BRIP1: variants seen among roughly 807,000 people sequenced by gnomAD.
BRIP1 encodes Fanconi anemia group J protein.
Under a neutral mutation model 119.7 loss-of-function variants are expected in BRIP1, and 88 were observed. The ratio of observed to expected loss-of-function variants is 0.74; its 90% CI spans 0.62 to 0.88. The LOEUF is 0.88. BRIP1 is among the 40% of genes least tolerant of loss of function. The pLI, the probability that BRIP1 is intolerant of heterozygous loss-of-function variation, is 0.00. For missense variants in BRIP1, 1,259 were observed against 1,455.4 expected, an observed-to-expected ratio of 0.87 and a Z score of 2.20; for synonymous variants, 443 against 496.5, an observed-to-expected ratio of 0.89 and a Z score of 1.43.
In BRIP1 at chr17:61,814,826, A is replaced by G; in HGVS notation, c.628-6069T>C. Among the ~76,000 whole-genome samples the G allele has an allele frequency of 6.6e-6, 1 of 152,048 alleles. No homozygotes were observed. Among genetic ancestry groups the G allele is most frequent in the Non-Finnish European group, 1.5e-5 (1 of 67,932 alleles). ...CAAGCTACATGTATCAACAGAAGGA[A>G]TGGATGAGTAAATTGTGGGCTCTTT... On this transcript the variant is annotated intron_variant, in intron 6 of 19. Coordinates refer to ENST00000259008, the MANE Select transcript of BRIP1 (RefSeq NM_032043.3). The surrounding 1 kb of genome is among the most constrained non-coding windows in gnomAD (Gnocchi z 4.9).
rs779314068 is a variant in BRIP1 at position 61,820,949 on chromosome 17, T to TAAAA, written c.628-12196_628-12193dup. 1.4e-4 allele frequency among the ~76,000 whole-genome samples: 20 copies of TAAAA among 143,948 alleles called. No individual in the cohort carries two copies. The Middle Eastern group carries it at 0.011, about 78-fold the overall frequency. The allele number at this position is 143,948 out of a possible 152,430, so 94.4% of individuals were successfully genotyped here. On this transcript the variant is annotated intron_variant, in intron 6 of 19. Transcript: ENST00000259008. ...TGGGCAACGAAGCGAGACTCTGTCTTAAAAAAAAAAAAAGAAAGAAAGAAA... is the reference window on the plus strand; with the variant it reads ...TGGGCAACGAAGCGAGACTCTGTCTTAAAAAAAAAAAAAAAAAGAAAGAAAGAAA...
chr17:61,698,987 G>A (rs2061570755), intron 17 of BRIP1, among the ~76,000 whole-genome samples: 1 of 152,106 alleles, frequency 6.6e-6, no homozygotes, highest in Non-Finnish European at 1.5e-5. Context: ...AAAGTGCTGG[G>A]ATTGCAGGCA....
Position 61,689,893 on chromosome 17 carries a change from T to C in BRIP1, c.2575+3537A>G, listed in dbSNP as rs896193296. Among the ~76,000 whole-genome samples the C allele has an allele frequency of 1.3e-5, 2 of 152,200 alleles. No individual in the cohort carries two copies. Among genetic ancestry groups the C allele is most frequent in the Non-Finnish European group, 2.9e-5 (2 of 67,992 alleles). ...CAGGTCTGGTGGTGCATGCCTGTAG[T>C]CCCAGCTGAGGCTGAGGTGGGAGGA... On this transcript the variant is annotated intron_variant, in intron 18 of 19. Transcript: ENST00000259008. The surrounding 1 kb of genome is among the most constrained non-coding windows in gnomAD (Gnocchi z 4.5).
rs953902725 is a variant in BRIP1, at chr17:61,778,929, TTG to T, written c.1935+1330_1935+1331del. Among the ~76,000 whole-genome samples the T allele has an allele frequency of 2.6e-5, 4 of 152,340 alleles. No individual in the cohort carries two copies. The highest frequency in any genetic ancestry group is 9.6e-5 in the African/African-American group (4 of 41,582). The stretch of plus-strand genomic sequence containing the variant: ...TATATAGCTTAATAAAGAGCTAGCA[TTG>T]TGTTAGGCACACAGGTGATGTTAAC... On this transcript the variant is annotated intron_variant, in intron 13 of 19. Coordinates refer to ENST00000259008, the MANE Select transcript of BRIP1 (RefSeq NM_032043.3). This position sits in a 1 kb window ranked among gnomAD's most constrained non-coding sequence, Gnocchi z 4.4.
At chr17:61,772,820 GAA>G (rs71355193) in intron 14 of BRIP1, among the ~76,000 whole-genome samples, 1 of 53,538 alleles carries the variant, frequency 1.9e-5, no homozygotes. Flanking sequence ...TTCCATCTCA[GAA>G]AAAAAAAAAA....
At chr17:61,747,760 C>T (rs565116008) in intron 14 of BRIP1, among the ~76,000 whole-genome samples, 3 of 151,680 alleles carry the variant, frequency 2.0e-5, no homozygotes, top group Non-Finnish European at 4.4e-5. Flanking sequence ...TTTTGAGATA[C>T]ACTCTTGCTC....
At position 61,691,206 on chromosome 17, in the gene BRIP1, G is replaced by A. The variant is rs964814969; in HGVS notation, c.2575+2224C>T. Among the ~76,000 whole-genome samples, 7 of 151,704 alleles carry A rather than the reference G, an allele frequency of 4.6e-5. No homozygotes were observed. Among genetic ancestry groups the A allele is most frequent in the Non-Finnish European group, 1.0e-4 (7 of 67,944 alleles). Reference sequence around the variant, plus strand: ...CATATGTAACAAACCTGCACGTTGTGCACATGTACCCTAGAACTTAAAGTA... The same window carrying A: ...CATATGTAACAAACCTGCACGTTGTACACATGTACCCTAGAACTTAAAGTA... On this transcript the variant is annotated intron_variant, in intron 18 of 19. Transcript: ENST00000259008. The surrounding 1 kb of genome is among the most constrained non-coding windows in gnomAD (Gnocchi z 5.0).
Position 61,793,082 on chromosome 17 carries a change from G to A in BRIP1, c.1473+515C>T, listed in dbSNP as rs957423743. On this transcript the variant is annotated intron_variant, in intron 10 of 19. Transcript: ENST00000259008. This position sits in a 1 kb window ranked among gnomAD's most constrained non-coding sequence, Gnocchi z 5.2. ...CAAAAAAAGAAAATATATTCTTATC[G>A]GCAAAAAACATTAGAAAATATAATG... 2.0e-5 allele frequency among the ~76,000 whole-genome samples: 3 copies of A among 151,716 alleles called. No homozygotes were observed. Among genetic ancestry groups the A allele is most frequent in the Non-Finnish European group, 4.4e-5 (3 of 67,928 alleles).
At position 61,701,200 on chromosome 17, in the gene BRIP1, T is replaced by C. The variant is rs1192490139; in HGVS notation, c.2493-7688A>G. Among the ~76,000 whole-genome samples, 1 of 152,236 alleles carries C rather than the reference T, an allele frequency of 6.6e-6. No individual in the cohort carries two copies. The highest frequency in any genetic ancestry group is 1.5e-5 in the Non-Finnish European group (1 of 68,038). The stretch of plus-strand genomic sequence containing the variant: ...TTATTTTTTTCTCTTAGTTATACTT[T>C]CTTTGTTATGTGTCATGATTTTTGT... On this transcript the variant is annotated intron_variant, in intron 17 of 19. Coordinates refer to ENST00000259008, the MANE Select transcript of BRIP1 (RefSeq NM_032043.3). The surrounding 1 kb of genome is among the most constrained non-coding windows in gnomAD (Gnocchi z 5.1).
rs28997569 is a variant in BRIP1 at position 61,808,595 on chromosome 17, G to A, written c.790C>T (p.Arg264Trp). The A allele has an allele frequency of 1.2e-3, 1,871 of 1,613,856 alleles. 3 individuals are homozygous for A. The highest frequency in any genetic ancestry group is 1.3e-3 in the Non-Finnish European group (1,587 of 1,179,870). Residue 264 changes from arginine to tryptophan, a missense_variant, in exon 7 of 20, where the codon CGG (arginine) becomes TGG (tryptophan). Physicochemically the swap from Arg to Trp is moderately radical, Grantham distance 101 (BLOSUM62 -3). This residue lies in a region of BRIP1 where 501 missense variants were observed against 544.0 expected (regional missense o/e 0.92). Coordinates refer to ENST00000259008, the MANE Select transcript of BRIP1 (RefSeq NM_032043.3). This position sits in a 1 kb window ranked among gnomAD's most constrained non-coding sequence, Gnocchi z 4.1. ...GGAACCCCTGAATATGCCGTCCTCC[G>A]GAGCTCTCTAGTAATCTGAGCAATC... ...KQIAQITREL[R>W]RTAYSGVPMT... is the part of the protein sequence containing the mutation.
chr17:61,687,432 A>T lies in BRIP1; in HGVS notation c.2576-1267T>A, dbSNP rs2144128460. Among the ~76,000 whole-genome samples the T allele has an allele frequency of 1.3e-5, 2 of 152,092 alleles. No homozygotes were observed. The highest frequency in any genetic ancestry group is 1.3e-4 in the Admixed American group (2 of 15,288). Reference sequence around the variant, plus strand: ...CATTTTTGCCTTTAGTTACTGTTTGACCTATGCTACTGCACACTTTACGTG... The same window carrying T: ...CATTTTTGCCTTTAGTTACTGTTTGTCCTATGCTACTGCACACTTTACGTG... On this transcript the variant is annotated intron_variant, in intron 18 of 19. Transcript: ENST00000259008. This position sits in a 1 kb window ranked among gnomAD's most constrained non-coding sequence, Gnocchi z 5.1.
rs587780830 is a variant in BRIP1, at chr17:61,683,771, G to A, written c.3275C>T (p.Pro1092Leu). 1.7e-5 allele frequency: 27 copies of A among 1,614,010 alleles called. No individual in the cohort carries two copies. Among genetic ancestry groups the A allele is most frequent in the Non-Finnish European group, 2.1e-5 (25 of 1,180,036 alleles). Residue 1092 changes from proline (P) to leucine (L), a missense_variant, in exon 20 of 20, where the codon CCG becomes CTG. This residue lies in a region of BRIP1 where 753 missense variants were observed against 891.8 expected (regional missense o/e 0.84). Coordinates refer to ENST00000259008, the MANE Select transcript of BRIP1 (RefSeq NM_032043.3). The surrounding 1 kb of genome is among the most constrained non-coding windows in gnomAD (Gnocchi z 4.7). ...TLTRKNHSEH[P>L]LCSEEALDPD... Reference sequence around the variant, plus strand: ...ATCCAGGGCTTCTTCAGAACAGAGCGGATGTTCAGAATGATTTTTTCTAGT... The same window carrying A: ...ATCCAGGGCTTCTTCAGAACAGAGCAGATGTTCAGAATGATTTTTTCTAGT...
intron 18 of BRIP1, among the ~76,000 whole-genome samples, chr17:61,688,484 CA>C (rs201219714): frequency 3.3e-5 from 5 of 149,552 alleles, no homozygotes; most frequent in South Asian, 2.1e-4. Context: ...TTGACCAAAA[CA>C]AAAAAAAACC....
chr17:61,806,085 G>C lies in BRIP1; in HGVS notation c.918+2382C>G, dbSNP rs560894052. ...TTGGATCAAGCCAAAAAATCAGAAA[G>C]TTTACACTTTAAGGGCAGTTAGAAT... On this transcript the variant is annotated intron_variant, in intron 7 of 19. Transcript: ENST00000259008. The surrounding 1 kb of genome is among the most constrained non-coding windows in gnomAD (Gnocchi z 4.9). Among the ~76,000 whole-genome samples the C allele has an allele frequency of 6.6e-6, 1 of 152,274 alleles. No homozygotes were observed. The highest frequency in any genetic ancestry group is 1.9e-4 in the East Asian group (1 of 5,184).
In BRIP1 at chr17:61,742,899, T is replaced by C; in HGVS notation, c.2379+114A>G. ...TGCAGGGTTACCATAAACCTTCAATTTGTAAAAAAGCACTATAAAAGCAAA... is the reference window on the plus strand; with the variant it reads ...TGCAGGGTTACCATAAACCTTCAATCTGTAAAAAAGCACTATAAAAGCAAA... On this transcript the variant is annotated intron_variant, in intron 16 of 19. Transcript: ENST00000259008. The surrounding 1 kb of genome is among the most constrained non-coding windows in gnomAD (Gnocchi z 4.7). 1 of 1,369,810 alleles carries C rather than the reference T, an allele frequency of 7.3e-7. No individual in the cohort carries two copies. The allele number at this position is 1,369,810 out of a possible 1,614,324, so 84.9% of individuals were successfully genotyped here.
rs1480530251 is a variant in BRIP1 at position 61,690,212 on chromosome 17, A to G, written c.2575+3218T>C. Among the ~76,000 whole-genome samples the G allele has an allele frequency of 6.6e-6, 1 of 152,242 alleles. No homozygotes were observed. Among genetic ancestry groups the G allele is most frequent in the Non-Finnish European group, 1.5e-5 (1 of 68,044 alleles). ...CTAAACGTGCCTTACAAGATATGCT[A>G]AAGGAAGCCTGCTAAACAGCAACAC... On this transcript the variant is annotated intron_variant, in intron 18 of 19. Transcript: ENST00000259008. This position sits in a 1 kb window ranked among gnomAD's most constrained non-coding sequence, Gnocchi z 5.6.
chr17:61,772,159 A>AG (rs2077459087), intron 14 of BRIP1, among the ~76,000 whole-genome samples: 1 of 928 alleles, frequency 1.1e-3, no homozygotes, highest in East Asian at 7.4e-3. Context: ...ATGTGAGATT[A>AG]TATATATATA....
Position 61,796,725 on chromosome 17 carries a change from A to T in BRIP1, c.1340+2375T>A, listed in dbSNP as rs543862390. ...ACATGTTTAAAAAATGATTCTAGCT[A>T]CCAAGCTAGAATTGATTACTGGAGA... On this transcript the variant is annotated intron_variant, in intron 9 of 19. Coordinates refer to ENST00000259008, the MANE Select transcript of BRIP1 (RefSeq NM_032043.3). The surrounding 1 kb of genome is among the most constrained non-coding windows in gnomAD (Gnocchi z 4.8). Among the ~76,000 whole-genome samples, 27 of 152,180 alleles carry T rather than the reference A, an allele frequency of 1.8e-4. No individual in the cohort carries two copies. The highest frequency in any genetic ancestry group is 6.5e-4 in the African/African-American group (27 of 41,538).
At chr17:61,772,176 TATATATATA>T (rs2077460979) in intron 14 of BRIP1, among the ~76,000 whole-genome samples, 1 of 63,222 alleles carries the variant, frequency 1.6e-5, no homozygotes, top group African/African-American at 6.2e-5. Flanking sequence ...TATATATATA[TATATATATA>T]TATATATATA....
Sources: allele counts gnomAD v4.1 joint callset (sites outside exome capture counted in the v4.1 genomes callset), GRCh38; gene constraint gnomAD v4.1.1; regional missense constraint gnomAD v4.1.1; non-coding constraint Gnocchi (gnomAD v3.1); transcripts MANE v1.5; gene names NCBI Gene and HGNC (gene_info 2026-07-23, HGNC 2026-07-21).